RALGAPA2: variants seen among roughly 807,000 people sequenced by gnomAD.
The protein encoded by RALGAPA2 is ral GTPase-activating protein subunit alpha-2.
Under a neutral mutation model 230.4 loss-of-function variants are expected in RALGAPA2, and 139 were observed. That is an observed-to-expected ratio of 0.60 (90% CI 0.53 to 0.69). The LOEUF is 0.69. Ranked by LOEUF, RALGAPA2 falls within the 30% of genes least tolerant of loss-of-function variation. The pLI is 0.00. For missense variants in RALGAPA2, 2,163 were observed against 2,276.0 expected, an observed-to-expected ratio of 0.95 and a Z score of 1.01; for synonymous variants, 847 against 837.8, an observed-to-expected ratio of 1.01 and a Z score of -0.19.
At chr20:20,668,220 T>C (rs1393210697) in intron 3 of RALGAPA2, among the ~76,000 whole-genome samples, 1 of 152,046 alleles carries the variant, frequency 6.6e-6, no homozygotes, top group African/African-American at 2.4e-5. Context: ...CTGACCAATA[T>C]GGTAAAATCT....
intron 31 of RALGAPA2, among the ~76,000 whole-genome samples, chr20:20,518,349 C>T (rs2062938110): frequency 6.6e-6 from 1 of 152,172 alleles, no homozygotes; most frequent in Non-Finnish European, 1.5e-5. Flanking sequence ...GCCACCACGC[C>T]CGGCCACCCT....
At chr20:20,698,207 A>C (rs1055568076) in intron 1 of RALGAPA2, among the ~76,000 whole-genome samples, 5 of 152,088 alleles carry the variant, frequency 3.3e-5, no homozygotes, top group Admixed American at 1.3e-4. Context: ...TTGGAAGAAG[A>C]TAGAGGTAGC....
At chr20:20,694,659 T>TA (rs1320945989) in intron 1 of RALGAPA2, among the ~76,000 whole-genome samples, 2 of 152,206 alleles carry the variant, frequency 1.3e-5, no homozygotes, top group Non-Finnish European at 2.9e-5. Flanking sequence ...ATTGAAGTCT[T>TA]ATGTAATTCT....
At chr20:20,516,446 G>A (rs2062872447) in intron 31 of RALGAPA2, among the ~76,000 whole-genome samples, 1 of 152,204 alleles carries the variant, frequency 6.6e-6, no homozygotes. Flanking sequence ...AGCATCTACA[G>A]ATGGAATAAC....
chr20:20,546,346 A>C (rs1037488028), intron 24 of RALGAPA2, among the ~76,000 whole-genome samples: 1 of 152,218 alleles, frequency 6.6e-6, no homozygotes, highest in Admixed American at 6.5e-5. Context: ...AAAAAAACTT[A>C]CTGCTAATGT....
At chr20:20,620,328 G>T in intron 11 of RALGAPA2, 135 bp downstream of exon 11, 1 of 885,340 alleles carries the variant, frequency 1.1e-6, no homozygotes, top group Non-Finnish European at 1.7e-6. Context: ...ACAGAACTCA[G>T]CAACTCAGAA....
intron 38 of RALGAPA2, among the ~76,000 whole-genome samples, chr20:20,403,405 G>A (rs565449539): frequency 1.1e-4 from 16 of 152,270 alleles, no homozygotes; most frequent in African/African-American, 2.6e-4. Context: ...CTGTGTCCCC[G>A]GGTCTTAAGT....
At position 20,516,414 on chromosome 20, in the gene RALGAPA2, G is replaced by A. The variant is rs535478788; in HGVS notation, c.4085-3130C>T. ...TGCAAGCACCACCTCATGGCTGCAAGCTAGCTGATGCAGCCCACTACAGCA... is the reference window on the plus strand; with the variant it reads ...TGCAAGCACCACCTCATGGCTGCAAACTAGCTGATGCAGCCCACTACAGCA... On this transcript the variant is annotated intron_variant, in intron 31 of 39. Transcript: ENST00000202677. Among the ~76,000 whole-genome samples, 3 of 152,322 alleles carry A rather than the reference G, an allele frequency of 2.0e-5. No homozygotes were observed. The South Asian group carries it at 6.2e-4, about 32-fold the overall frequency.
intron 27 of RALGAPA2, among the ~76,000 whole-genome samples, chr20:20,531,114 G>A (rs1317286395): frequency 6.6e-6 from 1 of 152,142 alleles, no homozygotes; most frequent in Non-Finnish European, 1.5e-5. Context: ...ATTTCTCTGG[G>A]CCTTGATTTC....
intron 1 of RALGAPA2, among the ~76,000 whole-genome samples, chr20:20,706,569 T>G (rs919272797): frequency 3.9e-5 from 6 of 152,200 alleles, no homozygotes; most frequent in African/African-American, 1.2e-4. Context: ...CGGAGGAGAT[T>G]GTTTATCGTC....
chr20:20,611,489 G>C (rs1039144900), intron 13 of RALGAPA2, 63 bp from the exon 14 acceptor site: 3 of 1,536,656 alleles, frequency 2.0e-6, no homozygotes, highest in Non-Finnish European at 2.6e-6. Flanking sequence ...TTAATTTATA[G>C]GTACCAGAAA....
rs770657880 is a variant in RALGAPA2, at chr20:20,531,752, G to C, written c.3517C>G (p.Leu1173Val). The change falls in exon 27 of 40, where the codon CTT becomes GTT. Residue 1173 changes from leucine (L) to valine (V), a missense_variant. Leu to Val is a conservative substitution (Grantham distance 32). Coordinates refer to ENST00000202677, the MANE Select transcript of RALGAPA2 (RefSeq NM_020343.4). The stretch of plus-strand genomic sequence containing the variant: ...TGAGGGTGGCTTGTACACTGTGCAA[G>C]CTCTTCACATATCCAGACCCCAAGG... ...CSLGVWICEE[L>V]AQCTSHPQVK... is the part of the protein sequence containing the mutation. 1.2e-6 allele frequency: 2 copies of C among 1,608,366 alleles called. No individual in the cohort carries two copies. Among genetic ancestry groups the C allele is most frequent in the East Asian group, 2.2e-5 (1 of 44,796 alleles).
chr20:20,465,534 G>C (rs1365777201), intron 37 of RALGAPA2, among the ~76,000 whole-genome samples: 1 of 152,206 alleles, frequency 6.6e-6, no homozygotes, highest in Non-Finnish European at 1.5e-5. Flanking sequence ...AAGAGAGAAA[G>C]AAGGAAGAAT....
At chr20:20,660,164 G>T (rs2146664958) in intron 3 of RALGAPA2, among the ~76,000 whole-genome samples, 1 of 151,892 alleles carries the variant, frequency 6.6e-6, no homozygotes, top group Non-Finnish European at 1.5e-5. Context: ...GGAGGCGGAG[G>T]TTGCGGTAAG....
At chr20:20,604,588 C>T (rs2065760375) in intron 15 of RALGAPA2, among the ~76,000 whole-genome samples, 2 of 152,134 alleles carry the variant, frequency 1.3e-5, no homozygotes, top group African/African-American at 2.4e-5. Context: ...TTGTCCAACC[C>T]GTGACCCATG....
At chr20:20,645,955 TA>T (rs11483626) in intron 4 of RALGAPA2, among the ~76,000 whole-genome samples, 2,532 of 133,408 alleles carry the variant, frequency 0.019, 31 homozygotes, top group African/African-American at 0.043. Flanking sequence ...TTTTTAATAA[TA>T]AAAAAAAAAA....
At chr20:20,451,591 A>G (rs2060990033) in intron 37 of RALGAPA2, among the ~76,000 whole-genome samples, 1 of 152,240 alleles carries the variant, frequency 6.6e-6, no homozygotes, top group African/African-American at 2.4e-5. Flanking sequence ...AATGTTCAGT[A>G]AAAGGTTATT....
At position 20,491,639 on chromosome 20, in the gene RALGAPA2, A is replaced by G. The variant is rs115923241; in HGVS notation, c.5367+3478T>C. 6.0e-3 allele frequency among the ~76,000 whole-genome samples: 918 copies of G among 152,312 alleles called. 8 individuals are homozygous for G. The highest frequency in any genetic ancestry group is 0.019 in the African/African-American group (785 of 41,582). ...TCTGGCATTTTAACAAACCCCTTGA[A>G]TCACTCACATTCTGCTCTATATGCA... On this transcript the variant is annotated intron_variant, in intron 36 of 39. Coordinates refer to ENST00000202677, the MANE Select transcript of RALGAPA2 (RefSeq NM_020343.4).
intron 39 of RALGAPA2, among the ~76,000 whole-genome samples, chr20:20,394,889 C>CAAA (rs10673778): frequency 2.0e-3 from 88 of 44,546 alleles, no homozygotes; most frequent in African/African-American, 2.4e-3. Context: ...AATAAATAAG[C>CAAA]AAAAAAAAAA....
Sources: allele counts gnomAD v4.1 joint callset (sites outside exome capture counted in the v4.1 genomes callset), GRCh38; gene constraint gnomAD v4.1.1; transcripts MANE v1.5; gene names NCBI Gene and HGNC (gene_info 2026-07-23, HGNC 2026-07-21).